NSMCE2: variants seen among roughly 807,000 people sequenced by gnomAD.
NSMCE2 encodes the protein NSE2 SUMO ligase component of SMC5/6 complex, also known as E3 SUMO-protein ligase NSE2.
Under a neutral mutation model 23.8 loss-of-function variants are expected in NSMCE2, and 24 were observed. The ratio of observed to expected loss-of-function variants is 1.01; its 90% CI spans 0.73 to 1.42. The LOEUF (loss-of-function observed/expected upper bound fraction) is 1.42. Ranked by LOEUF, NSMCE2 falls within the 40% of genes most tolerant of loss-of-function variation. The pLI is 0.00. For missense variants in NSMCE2, 284 were observed against 296.5 expected (o/e 0.96, Z 0.31); for synonymous variants, 92 against 94.1 (o/e 0.98, Z 0.13).
intron 5 of NSMCE2, among the ~76,000 whole-genome samples, chr8:125,271,489 G>T (rs534834502): frequency 1.3e-5 from 2 of 152,192 alleles, no homozygotes; most frequent in Non-Finnish European, 2.9e-5. Flanking sequence ...TAGGTATTAA[G>T]GGTACATAGG....
At chr8:125,211,503 T>C (rs1226418162) in intron 5 of NSMCE2, among the ~76,000 whole-genome samples, 2 of 152,222 alleles carry the variant, frequency 1.3e-5, no homozygotes, top group African/African-American at 4.8e-5. Context: ...GATGGTGGGC[T>C]TAGTAGTTAT....
chr8:125,199,344 A>G (rs1410684116), intron 5 of NSMCE2, among the ~76,000 whole-genome samples: 3 of 152,066 alleles, frequency 2.0e-5, no homozygotes, highest in East Asian at 3.9e-4. Context: ...TCTGCACACT[A>G]CTTTAAATGC....
intron 3 of NSMCE2, among the ~76,000 whole-genome samples, chr8:125,103,131 C>A (rs1266529614): frequency 6.6e-6 from 1 of 151,836 alleles, no homozygotes; most frequent in Admixed American, 6.6e-5. Flanking sequence ...ATGGTGAAAC[C>A]CCGTCTCTAC....
intron 4 of NSMCE2, among the ~76,000 whole-genome samples, chr8:125,157,855 C>A (rs1821406239): frequency 6.6e-6 from 1 of 152,034 alleles, no homozygotes; most frequent in Non-Finnish European, 1.5e-5. Context: ...CAAGAGTTTG[C>A]CCCATAATAC....
intron 3 of NSMCE2, among the ~76,000 whole-genome samples, chr8:125,112,515 A>T (rs976327763): frequency 5.3e-5 from 8 of 152,238 alleles, no homozygotes; most frequent in Admixed American, 1.3e-4. Flanking sequence ...TGAATGCATA[A>T]AGAAAACTGT....
At chr8:125,270,452 G>A (rs1827132015) in intron 5 of NSMCE2, among the ~76,000 whole-genome samples, 1 of 152,152 alleles carries the variant, frequency 6.6e-6, no homozygotes. Context: ...GTGACAGAGC[G>A]AGACTGTGTC....
At chr8:125,210,694 T>C (rs1434540978) in intron 5 of NSMCE2, among the ~76,000 whole-genome samples, 2 of 152,016 alleles carry the variant, frequency 1.3e-5, no homozygotes, top group African/African-American at 2.4e-5. Flanking sequence ...TAGCCATCTC[T>C]TCCCCAGGTT....
chr8:125,349,070 T>C lies in NSMCE2; in HGVS notation c.419-8149T>C, dbSNP rs1287048091. Among the ~76,000 whole-genome samples the C allele has an allele frequency of 1.3e-5, 2 of 148,378 alleles. 1 individual carries two copies. Among genetic ancestry groups the C allele is most frequent in the African/African-American group, 5.0e-5 (2 of 40,076 alleles). On this transcript the variant is annotated intron_variant, in intron 5 of 7. Transcript: ENST00000287437. Reference sequence around the variant, plus strand: ...ACACACACACACACACACAGAGCTCTTAATTCCAAACCAAAAGAACTGAGC... The same window carrying C: ...ACACACACACACACACACAGAGCTCCTAATTCCAAACCAAAAGAACTGAGC...
chr8:125,110,662 C>T (rs1053771297), intron 3 of NSMCE2, among the ~76,000 whole-genome samples: 1 of 151,842 alleles, frequency 6.6e-6, no homozygotes, highest in Non-Finnish European at 1.5e-5. Flanking sequence ...TTCTGCCCTT[C>T]ACCATTACAC....
chr8:125,293,305 G>A (rs887413085), intron 5 of NSMCE2, among the ~76,000 whole-genome samples: 1 of 152,170 alleles, frequency 6.6e-6, no homozygotes, highest in African/African-American at 2.4e-5. Flanking sequence ...AAACTTGGCA[G>A]TTTAAGAGGG....
chr8:125,341,910 A>C (rs1042460918), intron 5 of NSMCE2, among the ~76,000 whole-genome samples: 46 of 151,654 alleles, frequency 3.0e-4, no homozygotes, highest in Non-Finnish European at 6.0e-4. Context: ...AAAAAAAAAA[A>C]AAAAAAAAAA....
At chr8:125,275,940 A>G (rs1827432255) in intron 5 of NSMCE2, among the ~76,000 whole-genome samples, 1 of 152,178 alleles carries the variant, frequency 6.6e-6, no homozygotes, top group South Asian at 2.1e-4. Context: ...CCTAAATTCC[A>G]GCCTTAGCCA....
At chr8:125,158,251 AGGAAAG>A (rs1821426117) in intron 4 of NSMCE2, among the ~76,000 whole-genome samples, 1 of 152,224 alleles carries the variant, frequency 6.6e-6, no homozygotes, top group Non-Finnish European at 1.5e-5. Flanking sequence ...GTTGAAGGTC[AGGAAAG>A]GGCCAGGCCC....
intron 5 of NSMCE2, among the ~76,000 whole-genome samples, chr8:125,267,573 C>T (rs1253743543): frequency 1.3e-5 from 2 of 151,998 alleles, no homozygotes; most frequent in Non-Finnish European, 2.9e-5. Flanking sequence ...ATCACTTCAG[C>T]TCAGGAATTC....
chr8:125,116,571 C>CGT (rs959596794), intron 3 of NSMCE2, among the ~76,000 whole-genome samples: 2 of 151,820 alleles, frequency 1.3e-5, no homozygotes, highest in Non-Finnish European at 2.9e-5. Context: ...TCTGTGTGTG[C>CGT]GTGTGTGTGT....
chr8:125,333,671 C>T (rs1038546708), intron 5 of NSMCE2, among the ~76,000 whole-genome samples: 4 of 151,370 alleles, frequency 2.6e-5, no homozygotes, highest in Non-Finnish European at 5.9e-5. Flanking sequence ...CCCGCCACTA[C>T]GCCCGGCTAT....
At chr8:125,317,846 A>G (rs1829271346) in intron 5 of NSMCE2, among the ~76,000 whole-genome samples, 1 of 152,270 alleles carries the variant, frequency 6.6e-6, no homozygotes, top group Non-Finnish European at 1.5e-5. Flanking sequence ...AGCAAAAATT[A>G]TCAGACCAGA....
At chr8:125,201,122 T>A (rs1823853936) in intron 5 of NSMCE2, among the ~76,000 whole-genome samples, 1 of 152,220 alleles carries the variant, frequency 6.6e-6, no homozygotes, top group South Asian at 2.1e-4. Flanking sequence ...AACATGCTCC[T>A]TTAGCTTGGA....
intron 5 of NSMCE2, among the ~76,000 whole-genome samples, chr8:125,320,994 A>G (rs975256226): frequency 1.3e-5 from 2 of 151,978 alleles, no homozygotes; most frequent in African/African-American, 4.8e-5. Context: ...GAGAGGGGCT[A>G]CGCACTTTTC....
Sources: allele counts gnomAD v4.1 joint callset (sites outside exome capture counted in the v4.1 genomes callset), GRCh38; gene constraint gnomAD v4.1.1; transcripts MANE v1.5; gene names NCBI Gene and HGNC (gene_info 2026-07-23, HGNC 2026-07-21).